BLTP3B: variants seen among roughly 807,000 people sequenced by gnomAD.
The protein encoded by BLTP3B is UHRF1 (ICBP90) binding protein 1-like.
chr12:100,067,701 T>C, the BLTP3B span, among the ~76,000 whole-genome samples: 1 of 150,860 alleles, frequency 6.6e-6, no homozygotes, highest in African/African-American at 2.4e-5. Flanking sequence ...ATTTAAAAAT[T>C]ACCAACAAAA....
chr12:100,142,824 G>A, the BLTP3B span: 5 of 752,900 alleles, frequency 6.6e-6, no homozygotes, highest in African/African-American at 5.7e-5. Flanking sequence ...CGCTCAGGCC[G>A]CCACGGCCGC....
chr12:100,102,406 C>T, the BLTP3B span, among the ~76,000 whole-genome samples: 1 of 152,116 alleles, frequency 6.6e-6, no homozygotes, highest in African/African-American at 2.4e-5. Context: ...GCCACCGCTC[C>T]CAGCCTCCCA....
the BLTP3B span, among the ~76,000 whole-genome samples, chr12:100,071,503 A>G: frequency 3.4e-5 from 5 of 146,294 alleles, no homozygotes; most frequent in South Asian, 2.1e-4. Flanking sequence ...TCTCCAAAAA[A>G]AAAAAAAAAA....
the BLTP3B span, among the ~76,000 whole-genome samples, chr12:100,044,372 T>A: frequency 6.6e-6 from 1 of 152,234 alleles, no homozygotes; most frequent in South Asian, 2.1e-4. Context: ...AATGACTTTA[T>A]TCTTCAGTTG....
At chr12:100,040,599 T>G in the BLTP3B span, among the ~76,000 whole-genome samples, 1 of 152,030 alleles carries the variant, frequency 6.6e-6, no homozygotes, top group Non-Finnish European at 1.5e-5. Flanking sequence ...GGCAGAAGAA[T>G]CCCTTGAACC....
the BLTP3B span, among the ~76,000 whole-genome samples, chr12:100,092,541 G>A: frequency 1.3e-5 from 2 of 152,038 alleles, no homozygotes; most frequent in Admixed American, 6.6e-5. Flanking sequence ...TACATAGGCC[G>A]GGGCAAAAAC....
the BLTP3B span, chr12:100,059,207 GGCA>G: frequency 6.2e-7 from 1 of 1,614,024 alleles, no homozygotes; most frequent in Non-Finnish European, 8.5e-7. Flanking sequence ...AAACATCCGT[GGCA>G]GCAGAAGTTT....
At chr12:100,124,698 A>T in the BLTP3B span, among the ~76,000 whole-genome samples, 1 of 151,092 alleles carries the variant, frequency 6.6e-6, no homozygotes, top group Non-Finnish European at 1.5e-5. Context: ...GTGAGCCAAG[A>T]TTGCTCCACT....
At chr12:100,131,353 A>T in the BLTP3B span, among the ~76,000 whole-genome samples, 74 of 151,278 alleles carry the variant, frequency 4.9e-4, no homozygotes, top group African/African-American at 1.7e-3. Flanking sequence ...TAAAATATAT[A>T]TATTTTTAAT....
At chr12:100,126,210 A>G in the BLTP3B span, among the ~76,000 whole-genome samples, 2 of 152,230 alleles carry the variant, frequency 1.3e-5, no homozygotes, top group African/African-American at 4.8e-5. Context: ...GGCAGAGAGA[A>G]GGACATTTCA....
At chr12:100,118,349 A>T in the BLTP3B span, among the ~76,000 whole-genome samples, 1 of 152,086 alleles carries the variant, frequency 6.6e-6, no homozygotes, top group Middle Eastern at 3.2e-3. Flanking sequence ...TCATAATCAC[A>T]CTACTGCACT....
chr12:100,061,689 T>A, the BLTP3B span, among the ~76,000 whole-genome samples: 3 of 150,444 alleles, frequency 2.0e-5, no homozygotes, highest in Non-Finnish European at 4.4e-5. Context: ...AAGATCTATA[T>A]GCAGTTTCCA....
chr12:100,072,935 G>T, the BLTP3B span: 3 of 1,022,600 alleles, frequency 2.9e-6, no homozygotes, highest in Non-Finnish European at 4.1e-6. Context: ...AATTTCCAGT[G>T]TAAACTTTAT....
At chr12:100,112,030 C>A in the BLTP3B span, among the ~76,000 whole-genome samples, 2 of 152,200 alleles carry the variant, frequency 1.3e-5, no homozygotes, top group African/African-American at 2.4e-5. Flanking sequence ...GTGTGAACCA[C>A]CACACCCAGC....
chr12:100,039,725 C>A, the BLTP3B span: 2 of 1,613,754 alleles, frequency 1.2e-6, no homozygotes, highest in South Asian at 2.2e-5. Flanking sequence ...TTCCACTGGT[C>A]AGCAGCACTG....
chr12:100,076,573 T>C, the BLTP3B span, among the ~76,000 whole-genome samples: 8 of 152,200 alleles, frequency 5.3e-5, no homozygotes, highest in Admixed American at 3.9e-4. Flanking sequence ...TTTGTATTTT[T>C]ACTAGGGAGG....
chr12:100,088,599 A>G, the BLTP3B span, among the ~76,000 whole-genome samples: 1 of 152,242 alleles, frequency 6.6e-6, no homozygotes, highest in African/African-American at 2.4e-5. Context: ...AACATTATCA[A>G]AAAGTTAATT....
chr12:100,086,156 C>T, the BLTP3B span: 3 of 563,228 alleles, frequency 5.3e-6, no homozygotes, highest in South Asian at 4.7e-5. Context: ...GAGAAAAATA[C>T]CAATCTCTTC....
chr12:100,092,891 G>T, the BLTP3B span: 686 of 985,014 alleles, frequency 7.0e-4, 2 homozygotes, highest in African/African-American at 0.011. Flanking sequence ...GCTTCAAAAT[G>T]ACTTTTCTTA....
Sources: allele counts gnomAD v4.1 joint callset (sites outside exome capture counted in the v4.1 genomes callset), GRCh38; gene constraint gnomAD v4.1.1; transcripts MANE v1.5; gene names NCBI Gene and HGNC (gene_info 2026-07-23, HGNC 2026-07-21).